Variants in MNAT1 observed in about 807,000 individuals in gnomAD.
MNAT1 encodes MNAT1 component of CDK activating kinase, also known as CDK-activating kinase assembly factor MAT1.
A neutral mutation model predicts 42.0 loss-of-function variants in MNAT1; 43 were observed. The observed-to-expected ratio is 1.02, with a 90% confidence interval of 0.80 to 1.32. The LOEUF (loss-of-function observed/expected upper bound fraction) is 1.32, where lower values mean the gene tolerates loss of function less well. Among genes scored for constraint, MNAT1 ranks in the 40% most tolerant of loss-of-function variants. The pLI is 0.00. For synonymous variants in MNAT1, 118 were observed against 120.0 expected (o/e 0.98, Z 0.11); for missense variants, 306 against 350.4 (o/e 0.87, Z 1.01).
chr14:60,853,261 G>A (rs563102923), intron 6 of MNAT1, among the ~76,000 whole-genome samples: 15 of 151,848 alleles, frequency 9.9e-5, no homozygotes, highest in Non-Finnish European at 1.5e-4. Flanking sequence ...GGTCCTTCAC[G>A]TCCCCCTTAA....
intron 7 of MNAT1, among the ~76,000 whole-genome samples, chr14:60,889,399 T>G (rs1048318367): frequency 1.3e-5 from 2 of 152,162 alleles, no homozygotes; most frequent in African/African-American, 4.8e-5. Context: ...GCTAGCCATA[T>G]GTAGAAAGCT....
At position 60,854,632 on chromosome 14, in the gene MNAT1, C is replaced by T. The variant is rs368025585; in HGVS notation, c.688-25082C>T. On this transcript the variant is annotated intron_variant, in intron 6 of 7. Transcript: ENST00000261245. Reference sequence around the variant, plus strand: ...TCACTTGGGTATCACCAGTGAAGCCCGCAGAATAGCAAAGATTGCTGCCTG... The same window carrying T: ...TCACTTGGGTATCACCAGTGAAGCCTGCAGAATAGCAAAGATTGCTGCCTG... Among the ~76,000 whole-genome samples the T allele has an allele frequency of 1.2e-4, 18 of 152,070 alleles. No individual in the cohort carries two copies. The East Asian group carries it at 2.9e-3, about 25-fold the overall frequency.
intron 6 of MNAT1, among the ~76,000 whole-genome samples, chr14:60,832,121 C>T (rs1401912034): frequency 6.6e-6 from 1 of 152,090 alleles, no homozygotes; most frequent in Non-Finnish European, 1.5e-5. Flanking sequence ...TTCTCCCATT[C>T]TGTAGGTTGC....
intron 7 of MNAT1, among the ~76,000 whole-genome samples, chr14:60,958,698 G>A (rs7144606): frequency 1.9e-3 from 268 of 138,368 alleles, no homozygotes; most frequent in African/African-American, 7.0e-3. Flanking sequence ...GTGCAGTGGC[G>A]CGATCTTGGC....
chr14:60,833,037 G>A (rs2033271520), intron 6 of MNAT1, among the ~76,000 whole-genome samples: 1 of 152,126 alleles, frequency 6.6e-6, no homozygotes, highest in Non-Finnish European at 1.5e-5. Context: ...TGTATCCTGA[G>A]ACTTTGCTGA....
chr14:60,848,287 T>C (rs940007854), intron 6 of MNAT1, among the ~76,000 whole-genome samples: 4 of 152,188 alleles, frequency 2.6e-5, no homozygotes, highest in African/African-American at 9.6e-5. Flanking sequence ...TCATTGAGGG[T>C]CCATTGTGTG....
chr14:60,957,612 C>T (rs1594910570), intron 7 of MNAT1, among the ~76,000 whole-genome samples: 2 of 152,256 alleles, frequency 1.3e-5, no homozygotes, highest in East Asian at 3.9e-4. Flanking sequence ...AGGGAAACAG[C>T]CGAACCATAT....
chr14:60,831,789 C>T (rs190791739), intron 6 of MNAT1, among the ~76,000 whole-genome samples: 3 of 152,276 alleles, frequency 2.0e-5, no homozygotes, highest in Admixed American at 6.5e-5. Flanking sequence ...TTTACACTCC[C>T]ACCAACAGTG....
At chr14:60,912,901 G>C (rs2035408600) in intron 7 of MNAT1, among the ~76,000 whole-genome samples, 1 of 152,152 alleles carries the variant, frequency 6.6e-6, no homozygotes, top group South Asian at 2.1e-4. Context: ...AGTTCTCCTG[G>C]ATAATATCCT....
intron 6 of MNAT1, among the ~76,000 whole-genome samples, chr14:60,824,698 G>C (rs897189093): frequency 6.6e-6 from 1 of 152,134 alleles, no homozygotes; most frequent in Admixed American, 6.5e-5. Flanking sequence ...AACTTCATAT[G>C]ATTGTTTAGA....
chr14:60,747,804 C>T (rs944999516), intron 1 of MNAT1, among the ~76,000 whole-genome samples: 1 of 152,160 alleles, frequency 6.6e-6, no homozygotes, highest in Non-Finnish European at 1.5e-5. Context: ...AACTGTTTGA[C>T]TGTTTTGTAA....
chr14:60,915,206 A>G (rs1389326647), intron 7 of MNAT1, among the ~76,000 whole-genome samples: 1 of 152,158 alleles, frequency 6.6e-6, no homozygotes, highest in African/African-American at 2.4e-5. Context: ...TAACATCATC[A>G]TACTGCAGTT....
chr14:60,902,747 T>G (rs2035097257), intron 7 of MNAT1, among the ~76,000 whole-genome samples: 1 of 152,162 alleles, frequency 6.6e-6, no homozygotes, highest in Admixed American at 6.5e-5. Flanking sequence ...CACACATTTC[T>G]TGGAAATTAA....
rs1026021783 is a variant in MNAT1 at position 60,869,036 on chromosome 14, A to ATT, written c.688-10677_688-10676insTT. Among the ~76,000 whole-genome samples, 7 of 87,930 alleles carry ATT rather than the reference A, an allele frequency of 8.0e-5. No homozygotes were observed. The East Asian group carries it at 1.5e-3, about 19-fold the overall frequency. 57.7% of individuals were successfully genotyped at this position (87,930 alleles called of 152,430 possible). The stretch of plus-strand genomic sequence containing the variant: ...TGTTATTTTATACATATATATATAT[A>ATT]TATATTTTTTTTTTTTTTTTTGAGA... On this transcript the variant is annotated intron_variant, in intron 6 of 7. Transcript: ENST00000261245.
intron 6 of MNAT1, among the ~76,000 whole-genome samples, chr14:60,836,227 C>A (rs2033385362): frequency 6.6e-6 from 1 of 152,118 alleles, no homozygotes; most frequent in Admixed American, 6.5e-5. Flanking sequence ...CCTTGTGAAG[C>A]CTACTTCTGT....
intron 6 of MNAT1, among the ~76,000 whole-genome samples, chr14:60,855,212 C>T (rs889632142): frequency 2.0e-5 from 3 of 152,138 alleles, no homozygotes; most frequent in South Asian, 2.1e-4. Flanking sequence ...GTGCTGGCAG[C>T]GAGAATTTCA....
intron 1 of MNAT1, among the ~76,000 whole-genome samples, chr14:60,753,140 C>T (rs1218379099): frequency 3.3e-5 from 5 of 152,156 alleles, no homozygotes; most frequent in Non-Finnish European, 7.4e-5. Flanking sequence ...TTTATTTTCT[C>T]ACGGTTCTTG....
chr14:60,877,981 G>T (rs2034470103), intron 6 of MNAT1, among the ~76,000 whole-genome samples: 1 of 151,950 alleles, frequency 6.6e-6, no homozygotes, highest in Admixed American at 6.6e-5. Context: ...ATCATGTAAA[G>T]ACTTCAGAGA....
chr14:60,771,757 T>C (rs980432868), intron 1 of MNAT1, among the ~76,000 whole-genome samples: 1 of 152,212 alleles, frequency 6.6e-6, no homozygotes, highest in African/African-American at 2.4e-5. Flanking sequence ...TCTGTCCATG[T>C]TAGTATATAG....
Sources: allele counts gnomAD v4.1 joint callset (sites outside exome capture counted in the v4.1 genomes callset), GRCh38; gene constraint gnomAD v4.1.1; transcripts MANE v1.5; gene names NCBI Gene and HGNC (gene_info 2026-07-23, HGNC 2026-07-21).